Variants in ADGRL3 observed in about 807,000 individuals in gnomAD.
The protein encoded by ADGRL3 is calcium-independent alpha-latrotoxin receptor 3.
Under a neutral mutation model 153.5 loss-of-function variants are expected in ADGRL3, and 62 were observed. The observed-to-expected ratio is 0.40, with a 90% CI of 0.33 to 0.50. The LOEUF is 0.50. Among genes scored for constraint, ADGRL3 ranks in the 20% least tolerant of loss-of-function variants. The probability of loss-of-function intolerance (pLI) is 0.47; values close to 1 mark genes in which losing one functional copy is unlikely to be tolerated. For missense variants in ADGRL3, 1,641 were observed against 1,859.4 expected (o/e 0.88, Z 2.16); for synonymous variants, 710 against 672.5 (o/e 1.06, Z -0.86).
At chr4:62,053,991 G>A (rs1423204298) in intron 25 of ADGRL3, among the ~76,000 whole-genome samples, 1 of 151,476 alleles carries the variant, frequency 6.6e-6, no homozygotes, top group African/African-American at 2.4e-5. Context: ...CAAGCAATGT[G>A]TGAGTAACAG....
chr4:61,434,391 G>C (rs1208655712), intron 2 of ADGRL3, among the ~76,000 whole-genome samples: 1 of 151,994 alleles, frequency 6.6e-6, no homozygotes, highest in Non-Finnish European at 1.5e-5. Flanking sequence ...TATTGACAGG[G>C]TGACTCACAC....
intron 9 of ADGRL3, among the ~76,000 whole-genome samples, chr4:61,850,563 G>T (rs1015947479): frequency 6.6e-6 from 1 of 152,142 alleles, no homozygotes; most frequent in Non-Finnish European, 1.5e-5. Flanking sequence ...AGGCCAAAGA[G>T]CTCAAGACAA....
intron 1 of ADGRL3, among the ~76,000 whole-genome samples, chr4:61,263,098 G>A (rs1034219499): frequency 8.6e-5 from 13 of 151,974 alleles, no homozygotes; most frequent in Non-Finnish European, 1.3e-4. Context: ...TATTTATTAA[G>A]TAGATAACGA....
At chr4:62,058,902 A>G (rs1738524821) in intron 25 of ADGRL3, among the ~76,000 whole-genome samples, 1 of 152,194 alleles carries the variant, frequency 6.6e-6, no homozygotes, top group Non-Finnish European at 1.5e-5. Flanking sequence ...CAAACAGAAT[A>G]GACTTCAGCT....
At chr4:61,830,581 A>C (rs2097857720) in intron 9 of ADGRL3, among the ~76,000 whole-genome samples, 1 of 152,144 alleles carries the variant, frequency 6.6e-6, no homozygotes, top group African/African-American at 2.4e-5. Flanking sequence ...CCTATTTTCT[A>C]ATGAGGACCT....
At chr4:61,909,793 GT>G in intron 12 of ADGRL3, 48 bp downstream of exon 12, 1 of 1,377,754 alleles carries the variant, frequency 7.3e-7, no homozygotes. Flanking sequence ...GTGTGTGTGT[GT>G]GTGTGTGTCT....
chr4:61,761,857 G>T (rs951018531), intron 8 of ADGRL3, among the ~76,000 whole-genome samples: 1 of 152,128 alleles, frequency 6.6e-6, no homozygotes, highest in African/African-American at 2.4e-5. Flanking sequence ...CTTGTGCCCA[G>T]GAGCTGGAGG....
intron 1 of ADGRL3, among the ~76,000 whole-genome samples, chr4:61,232,577 G>A (rs558952616): frequency 3.3e-5 from 5 of 152,128 alleles, no homozygotes; most frequent in Admixed American, 6.5e-5. Context: ...CCAAAGTGCT[G>A]GGATTATAGG....
intron 8 of ADGRL3, among the ~76,000 whole-genome samples, chr4:61,771,383 C>T (rs1461383835): frequency 6.6e-6 from 1 of 152,108 alleles, no homozygotes. Flanking sequence ...GGAGAGAAGG[C>T]CTCAAAAATA....
At chr4:61,581,333 G>A (rs983518576) in intron 4 of ADGRL3, among the ~76,000 whole-genome samples, 1 of 151,988 alleles carries the variant, frequency 6.6e-6, no homozygotes, top group Non-Finnish European at 1.5e-5. Flanking sequence ...GTACATGCTT[G>A]TTCATACATT....
intron 4 of ADGRL3, among the ~76,000 whole-genome samples, chr4:61,539,310 A>C (rs1019386671): frequency 6.6e-6 from 1 of 152,176 alleles, no homozygotes; most frequent in Non-Finnish European, 1.5e-5. Context: ...TGTCTGTAAC[A>C]GTGGGTTGGG....
chr4:61,569,283 C>T (rs2098828973), intron 4 of ADGRL3, among the ~76,000 whole-genome samples: 1 of 152,002 alleles, frequency 6.6e-6, no homozygotes, highest in Admixed American at 6.6e-5. Flanking sequence ...AATTCACATG[C>T]CATAAGACTC....
intron 5 of ADGRL3, among the ~76,000 whole-genome samples, chr4:61,599,970 T>A (rs1264072976): frequency 6.6e-6 from 1 of 152,150 alleles, no homozygotes; most frequent in Non-Finnish European, 1.5e-5. Flanking sequence ...ATCTTCCATT[T>A]ATTGGCAAGA....
chr4:62,037,780 A>G lies in ADGRL3; in HGVS notation c.3641A>G (p.Lys1214Arg). 6.2e-7 allele frequency: 1 copy of G among 1,613,816 alleles called. No individual in the cohort carries two copies. Among genetic ancestry groups the G allele is most frequent in the Non-Finnish European group, 8.5e-7 (1 of 1,179,776 alleles). The change falls in exon 24 of 27, where the codon AAA (lysine) becomes AGA (arginine). Residue 1214 changes from lysine to arginine, a missense_variant. Around this residue, in one of 5 missense-constraint regions of ADGRL3, gnomAD observed 517 missense variants for 555.0 expected, o/e 0.93. Transcript: ENST00000683033. ...CTGCGAACACATTGCTGTAGTGGCA[A>G]AAGTACAGAGAGTTCCATTGGTTCA... ...KCLRTHCCSG[K>R]STESSIGSGK... is the part of the protein sequence containing the mutation.
At chr4:61,983,653 T>A (rs1443979977) in intron 19 of ADGRL3, 50 bp downstream of exon 19, 1 of 1,531,944 alleles carries the variant, frequency 6.5e-7, no homozygotes, top group Admixed American at 1.7e-5. Flanking sequence ...ATAAAAGTGT[T>A]GGACTTTCTT....
At chr4:61,977,610 T>G (rs1023475646) in intron 17 of ADGRL3, among the ~76,000 whole-genome samples, 1 of 152,156 alleles carries the variant, frequency 6.6e-6, no homozygotes, top group African/African-American at 2.4e-5. Context: ...GTGGAGGTCT[T>G]CATCAAATAA....
intron 19 of ADGRL3, among the ~76,000 whole-genome samples, chr4:61,993,750 CCTCT>C (rs146822675): frequency 2.7e-5 from 4 of 150,904 alleles, no homozygotes; most frequent in Non-Finnish European, 5.9e-5. Context: ...ACACATACAC[CCTCT>C]CTCTCTCTCT....
chr4:61,865,362 A>AT lies in ADGRL3; in HGVS notation c.1481-27287dup, dbSNP rs1350434467. 4.0e-5 allele frequency among the ~76,000 whole-genome samples: 6 copies of AT among 151,826 alleles called. No individual in the cohort carries two copies. The South Asian group carries it at 8.3e-4, about 21-fold the overall frequency. On this transcript the variant is annotated intron_variant, in intron 9 of 26. Coordinates refer to ENST00000683033, the MANE Select transcript of ADGRL3 (RefSeq NM_001387552.1). ...CTTGTGGGGGTGTCATCTGGGCAGGATTTTTTTAAAATAGCATATATAACT... is the reference window on the plus strand; with the variant it reads ...CTTGTGGGGGTGTCATCTGGGCAGGATTTTTTTTAAAATAGCATATATAACT...
chr4:61,238,376 G>A (rs1449885571), intron 1 of ADGRL3, among the ~76,000 whole-genome samples: 1 of 151,774 alleles, frequency 6.6e-6, no homozygotes, highest in Admixed American at 6.6e-5. Context: ...TGTTTTCGAG[G>A]TTTATCTAAA....
Sources: gnomAD v4.1 joint callset for allele counts (sites outside exome capture counted in the v4.1 genomes callset) on GRCh38, gnomAD v4.1.1 for gene constraint, gnomAD v4.1.1 regional missense constraint, MANE v1.5 for transcripts, NCBI Gene and HGNC (gene_info 2026-07-23, HGNC 2026-07-21) for gene names.